The following TG variants were observed in gnomAD, a reference collection of about 807,000 sequenced individuals.
TG encodes thyroglobulin.
TG carries 270 observed loss-of-function variants against 324.7 expected under a neutral mutation model. The ratio of observed to expected loss-of-function variants is 0.83; its 90% CI spans 0.75 to 0.92. TG has a LOEUF of 0.92. TG is among the 40% of genes least tolerant of loss of function. The pLI, the probability that TG is intolerant of heterozygous loss-of-function variation, is 0.00. For synonymous variants in TG, 1,401 were observed against 1,327.0 expected (o/e 1.06, Z -1.21); for missense variants, 3,591 against 3,456.4 (o/e 1.04, Z -0.98).
chr8:133,069,788 G>A (rs1426763752), intron 41 of TG, among the ~76,000 whole-genome samples: 2 of 151,952 alleles, frequency 1.3e-5, no homozygotes, highest in African/African-American at 4.8e-5. Flanking sequence ...ATCATTTGAG[G>A]TCAGGAGTTC....
chr8:132,880,013 G>A (rs993448401), intron 5 of TG, among the ~76,000 whole-genome samples: 1 of 152,214 alleles, frequency 6.6e-6, no homozygotes, highest in Non-Finnish European at 1.5e-5. Context: ...CCCACCTCGG[G>A]CCAGCACTTG....
chr8:132,922,469 C>T (rs2132470947), intron 21 of TG, among the ~76,000 whole-genome samples: 1 of 152,288 alleles, frequency 6.6e-6, no homozygotes, highest in African/African-American at 2.4e-5. Flanking sequence ...ATCAATCGTT[C>T]ATTCACACAG....
chr8:132,969,043 C>T (rs750202926), intron 31 of TG, among the ~76,000 whole-genome samples: 2 of 152,028 alleles, frequency 1.3e-5, no homozygotes, highest in Non-Finnish European at 2.9e-5. Context: ...ATCTAGAGGC[C>T]AAATAGCTTC....
At chr8:133,031,692 G>A (rs1337790273) in intron 41 of TG, among the ~76,000 whole-genome samples, 1 of 152,090 alleles carries the variant, frequency 6.6e-6, no homozygotes, top group Non-Finnish European at 1.5e-5. Context: ...CTGATGCTAG[G>A]TCAGCATTGT....
chr8:132,868,978 C>T (rs1043981245), intron 2 of TG, among the ~76,000 whole-genome samples: 6 of 152,184 alleles, frequency 3.9e-5, no homozygotes, highest in African/African-American at 1.4e-4. Context: ...ATCTTATGTA[C>T]ACTCTTAATG....
intron 21 of TG, among the ~76,000 whole-genome samples, chr8:132,922,086 T>A (rs1821188437): frequency 6.6e-6 from 1 of 152,186 alleles, no homozygotes; most frequent in Admixed American, 6.5e-5. Flanking sequence ...AAACAAGTAA[T>A]GATAAAGTCC....
At chr8:132,946,451 T>A (rs1388754841) in intron 26 of TG, among the ~76,000 whole-genome samples, 1 of 152,188 alleles carries the variant, frequency 6.6e-6, no homozygotes, top group African/African-American at 2.4e-5. Flanking sequence ...CGGGCAGATG[T>A]TTTCCCCAGT....
intron 34 of TG, among the ~76,000 whole-genome samples, chr8:132,974,219 C>A (rs143221007): frequency 6.6e-6 from 1 of 152,066 alleles, no homozygotes; most frequent in African/African-American, 2.4e-5. Flanking sequence ...GCCTTGAACT[C>A]CTGACCTCAG....
At chr8:133,106,758 A>T (rs565529757) in intron 43 of TG, among the ~76,000 whole-genome samples, 13 of 152,292 alleles carry the variant, frequency 8.5e-5, no homozygotes, top group African/African-American at 2.9e-4. Flanking sequence ...ACCCCAGGAC[A>T]GTCCATATCA....
chr8:133,019,764 T>A, intron 39 of TG, 69 bp downstream of exon 39: 1 of 1,371,490 alleles, frequency 7.3e-7, no homozygotes, highest in Non-Finnish European at 1.0e-6. Flanking sequence ...GTCCCCACTG[T>A]GGCCAGCACA....
At chr8:133,054,392 C>G (rs1418700301) in intron 41 of TG, among the ~76,000 whole-genome samples, 2 of 152,224 alleles carry the variant, frequency 1.3e-5, no homozygotes, top group East Asian at 3.9e-4. Flanking sequence ...GGCTTACATC[C>G]CACCTCCGCC....
intron 41 of TG, among the ~76,000 whole-genome samples, chr8:133,043,628 T>C (rs1018830006): frequency 2.0e-5 from 3 of 152,204 alleles, no homozygotes; most frequent in Admixed American, 2.0e-4. Flanking sequence ...TAGCTGACCT[T>C]GCCCAAGGCC....
At chr8:133,035,936 C>G (rs1445746163) in intron 41 of TG, among the ~76,000 whole-genome samples, 2 of 152,140 alleles carry the variant, frequency 1.3e-5, no homozygotes, top group Non-Finnish European at 2.9e-5. Flanking sequence ...TGGAATGGAC[C>G]CTATGCCATC....
At chr8:133,007,937 G>C (rs1422245773) in intron 35 of TG, among the ~76,000 whole-genome samples, 2 of 151,986 alleles carry the variant, frequency 1.3e-5, no homozygotes, top group Non-Finnish European at 2.9e-5. Context: ...TCTTGAACCA[G>C]TTTTGTCTCA....
At chr8:133,040,220 C>A in intron 41 of TG, 1 of 1,392,808 alleles carries the variant, frequency 7.2e-7, no homozygotes, top group Non-Finnish European at 9.8e-7. Context: ...CAGTGCAGCT[C>A]CCTGGCTGCT....
chr8:132,887,100 A>G lies in TG; in HGVS notation c.1728A>G (p.Glu576=). The G allele has an allele frequency of 6.2e-7, 1 of 1,614,194 alleles. No homozygotes were observed. Among genetic ancestry groups the G allele is most frequent in the South Asian group, 1.1e-5 (1 of 91,082 alleles). ...KFLASLLELP[E]FLLFLQHAIS... is the part of the protein sequence containing the mutation. ...TTGCTTCTCTCCTGGAGCTTCCAGA[A>G]TTCCTTCTCTTCTTGCAACATGCTA... Residue 576 remains glutamate (E), a synonymous_variant, in exon 9 of 48, where the codon GAA becomes GAG. Coordinates refer to ENST00000220616, the MANE Select transcript of TG (RefSeq NM_003235.5).
chr8:132,940,482 A>G (rs146820606), intron 25 of TG, among the ~76,000 whole-genome samples: 13 of 152,358 alleles, frequency 8.5e-5, no homozygotes, highest in South Asian at 4.1e-4. Flanking sequence ...AGGTAGACCA[A>G]TGGAAAAAAA....
chr8:133,117,047 CT>C (rs1245579472), intron 45 of TG, among the ~76,000 whole-genome samples: 4 of 152,206 alleles, frequency 2.6e-5, no homozygotes, highest in African/African-American at 7.2e-5. Context: ...AAGACATTGA[CT>C]TTCCAAAGTA....
chr8:133,081,881 C>T (rs146098379), intron 41 of TG, among the ~76,000 whole-genome samples: 38 of 152,296 alleles, frequency 2.5e-4, no homozygotes, highest in African/African-American at 5.5e-4. Flanking sequence ...CTGCCTCTGA[C>T]GGATTGTCAC....
Sources: allele counts gnomAD v4.1 joint callset (sites outside exome capture counted in the v4.1 genomes callset), GRCh38; gene constraint gnomAD v4.1.1; transcripts MANE v1.5; gene names NCBI Gene and HGNC (gene_info 2026-07-23, HGNC 2026-07-21).